The following MLC1 variants were observed in gnomAD, a reference collection of about 807,000 sequenced individuals.
MLC1 encodes membrane protein MLC1.
A neutral mutation model predicts 44.7 loss-of-function variants in MLC1; 32 were observed. The observed-to-expected ratio is 0.72, with a 90% CI of 0.54 to 0.96. MLC1 has a LOEUF of 0.96. Among genes scored for constraint, MLC1 ranks in the 40% least tolerant of loss-of-function variants. The pLI is 0.00. For synonymous variants in MLC1, 190 were observed against 213.0 expected (o/e 0.89, Z 0.94); for missense variants, 459 against 492.2 (o/e 0.93, Z 0.64).
At chr22:50,071,533 T>TG (rs1458829302) in intron 8 of MLC1, among the ~76,000 whole-genome samples, 1 of 152,170 alleles carries the variant, frequency 6.6e-6, no homozygotes, top group Non-Finnish European at 1.5e-5. Context: ...TGGTCGCTTC[T>TG]GGGGGGTGCA....
intron 7 of MLC1, chr22:50,074,675 G>A (rs1027866054): frequency 2.8e-5 from 10 of 362,762 alleles, no homozygotes; most frequent in South Asian, 1.6e-4. Flanking sequence ...TGTGGCAGGC[G>A]GCGGTGCTCA....
rs768500792 is a variant in MLC1, at chr22:50,085,261, G to A, written c.-60+94C>T. ...ACTTCGTCCATGAACACATCACGCC[G>A]GGGACTCAAGCACGTTAAACTGCTC... On this transcript the variant is annotated intron_variant, in intron 1 of 11. Coordinates refer to ENST00000311597, the MANE Select transcript of MLC1 (RefSeq NM_015166.4). 18 of 1,162,758 alleles carry A rather than the reference G, an allele frequency of 1.5e-5. No homozygotes were observed. The African/African-American group carries it at 2.2e-4, about 14-fold the overall frequency. The allele number at this position is 1,162,758 out of a possible 1,614,324, so 72.0% of individuals were successfully genotyped here.
intron 11 of MLC1, among the ~76,000 whole-genome samples, chr22:50,062,585 A>G (rs1231636040): frequency 5.9e-5 from 9 of 152,268 alleles, no homozygotes; most frequent in Admixed American, 5.9e-4. Context: ...GCCAAGGGCA[A>G]GAGAGCGTCC....
In MLC1 at chr22:50,068,525, T is replaced by C. The variant is rs747967622; in HGVS notation, c.802A>G (p.Thr268Ala). ...GAGGCTGTGAACAGCAGCGGAGACG[T>C]GAGGCTGCTTATGGCAATCAGGACC... ...VEVLIAISSL[T>A]SPLLFTASGY... is the part of the protein sequence containing the mutation. Residue 268 changes from threonine to alanine, a missense_variant, in exon 10 of 12, where the codon ACG becomes GCG. Transcript: ENST00000311597. 6.2e-7 allele frequency: 1 copy of C among 1,613,078 alleles called. No individual in the cohort carries two copies. Among genetic ancestry groups the C allele is most frequent in the Non-Finnish European group, 8.5e-7 (1 of 1,179,530 alleles).
intron 3 of MLC1, among the ~76,000 whole-genome samples, chr22:50,081,009 A>AAAACAAAGAAAGAAAGAAAG (rs1555967993): frequency 1.0e-5 from 1 of 96,740 alleles, no homozygotes; most frequent in Non-Finnish European, 2.0e-5. Flanking sequence ...TTGTCTCAAA[A>AAAACAAAGAAAGAAAGAAAG]AAAGAAAGAA....
intron 11 of MLC1, among the ~76,000 whole-genome samples, 199 bp downstream of exon 11, chr22:50,063,835 C>CA (rs2061634430): frequency 8.3e-6 from 1 of 120,068 alleles, no homozygotes; most frequent in African/African-American, 3.1e-5. Flanking sequence ...CTCACCTCCC[C>CA]GGCTGGGCAC....
chr22:50,062,066 C>T (rs946014576), intron 11 of MLC1, among the ~76,000 whole-genome samples: 60 of 152,038 alleles, frequency 3.9e-4, no homozygotes, highest in Admixed American at 8.5e-4. Context: ...GCTGTCCACC[C>T]TGAGCCCCAG....
intron 10 of MLC1, among the ~76,000 whole-genome samples, chr22:50,067,657 C>CA (rs2061740488): frequency 8.2e-6 from 1 of 122,160 alleles, no homozygotes; most frequent in African/African-American, 3.2e-5. Flanking sequence ...TGACTCCATC[C>CA]CCCATCAGAC....
intron 11 of MLC1, 23 bp from the exon 12 acceptor site, chr22:50,061,680 G>T: frequency 1.9e-6 from 3 of 1,606,604 alleles, no homozygotes; most frequent in Non-Finnish European, 2.6e-6. Flanking sequence ...CAGGAAAGGT[G>T]TTACTTCACC....
chr22:50,081,068 G>A (rs1343985881), intron 3 of MLC1, among the ~76,000 whole-genome samples: 1 of 44,790 alleles, frequency 2.2e-5, no homozygotes, highest in Non-Finnish European at 5.5e-5. Context: ...AGGAGGTCTG[G>A]TGCAGTGGCT....
chr22:50,080,209 G>A, intron 4 of MLC1, 135 bp downstream of exon 4: 1 of 1,225,550 alleles, frequency 8.2e-7, no homozygotes, highest in South Asian at 1.3e-5. Context: ...TTTACTGTCT[G>A]GGGGGCAACC....
intron 5 of MLC1, 45 bp downstream of exon 5, chr22:50,079,873 G>C (rs1387070014): frequency 3.0e-6 from 4 of 1,328,370 alleles, no homozygotes; most frequent in Non-Finnish European, 4.3e-6. Flanking sequence ...CGTGGGAGTG[G>C]GGCTGTGGGT....
Position 50,083,745 on chromosome 22 carries a change from C to T in MLC1, c.178-572G>A, listed in dbSNP as rs1220706546. ...TGGGGAGGGGGCTCTCTCTCACGCA[C>T]AGCACCCCCGGGGTGAGTCTGAGGG... is the stretch of plus-strand genomic sequence containing the variant. On this transcript the variant is annotated intron_variant, in intron 2 of 11. Coordinates refer to ENST00000311597, the MANE Select transcript of MLC1 (RefSeq NM_015166.4). This position sits in a 1 kb window ranked among gnomAD's most constrained non-coding sequence, Gnocchi z 4.6. 2.6e-5 allele frequency among the ~76,000 whole-genome samples: 4 copies of T among 152,120 alleles called. No individual in the cohort carries two copies. Among genetic ancestry groups the T allele is most frequent in the Admixed American group, 2.6e-4 (4 of 15,270 alleles).
chr22:50,084,609 A>C (rs570656391), intron 2 of MLC1, 117 bp downstream of exon 2: 35 of 1,100,516 alleles, frequency 3.2e-5, no homozygotes, highest in Non-Finnish European at 4.7e-5. Flanking sequence ...CTGCAGCAGC[A>C]GGGTTAGTCT....
intron 7 of MLC1, among the ~76,000 whole-genome samples, chr22:50,075,602 C>G (rs1447595056): frequency 6.6e-6 from 1 of 151,382 alleles, no homozygotes; most frequent in Non-Finnish European, 1.5e-5. Context: ...CCCAGCTACT[C>G]GGGAGGCTGA....
At position 50,084,950 on chromosome 22, in the gene MLC1, C is replaced by G. The variant is rs1463666639; in HGVS notation, c.-48G>C. The G allele has an allele frequency of 6.2e-7, 1 of 1,603,032 alleles. No individual in the cohort carries two copies. The highest frequency in any genetic ancestry group is 2.2e-5 in the East Asian group (1 of 44,848). On this transcript the variant is annotated 5_prime_UTR_variant, in exon 2 of 12. Transcript: ENST00000311597. The stretch of plus-strand genomic sequence containing the variant: ...GTGCTGAATGTACAGCCACGTGTCA[C>G]CAGTTCTTTATCTGGAATAAAATTA...
At chr22:50,079,003 G>C (rs2062049931) in intron 5 of MLC1, among the ~76,000 whole-genome samples, 1 of 151,976 alleles carries the variant, frequency 6.6e-6, no homozygotes, top group East Asian at 1.9e-4. Flanking sequence ...AGCGTCACAG[G>C]CCGGGCGCGG....
intron 8 of MLC1, among the ~76,000 whole-genome samples, 159 bp from the exon 9 acceptor site, chr22:50,070,742 G>A (rs1231117246): frequency 6.6e-6 from 1 of 152,256 alleles, no homozygotes; most frequent in African/African-American, 2.4e-5. Context: ...CGCAGCTGGG[G>A]CAGGGACGGG....
At position 50,083,739 on chromosome 22, in the gene MLC1, C is replaced by T. The variant is rs1356566418; in HGVS notation, c.178-566G>A. Among the ~76,000 whole-genome samples, 3 of 152,236 alleles carry T rather than the reference C, an allele frequency of 2.0e-5. No individual in the cohort carries two copies. The East Asian group carries it at 5.8e-4, about 30-fold the overall frequency. Reference sequence around the variant, plus strand: ...GTGCGGTGGGGAGGGGGCTCTCTCTCACGCACAGCACCCCCGGGGTGAGTC... The same window carrying T: ...GTGCGGTGGGGAGGGGGCTCTCTCTTACGCACAGCACCCCCGGGGTGAGTC... On this transcript the variant is annotated intron_variant, in intron 2 of 11. Coordinates refer to ENST00000311597, the MANE Select transcript of MLC1 (RefSeq NM_015166.4). This position sits in a 1 kb window ranked among gnomAD's most constrained non-coding sequence, Gnocchi z 4.6.
Sources: gnomAD v4.1 joint callset for allele counts (sites outside exome capture counted in the v4.1 genomes callset) on GRCh38, gnomAD v4.1.1 for gene constraint, Gnocchi (gnomAD v3.1) non-coding constraint, MANE v1.5 for transcripts, NCBI Gene and HGNC (gene_info 2026-07-23, HGNC 2026-07-21) for gene names.